Variants in APOH observed in about 807,000 individuals in gnomAD.
APOH encodes the protein beta-2-glycoprotein 1.
In APOH, 48 loss-of-function variants were observed where a neutral mutation model predicts 39.8. The observed-to-expected ratio is 1.21, with a 90% CI of 0.96 to 1.54. The LOEUF is 1.54. APOH is among the 40% of genes most tolerant of loss of function. The pLI, the probability that APOH is intolerant of heterozygous loss-of-function variation, is 0.00. For synonymous variants in APOH, 153 were observed against 151.1 expected, an observed-to-expected ratio of 1.01 and a Z score of -0.09; for missense variants, 415 against 421.2, an observed-to-expected ratio of 0.99 and a Z score of 0.13.
chr17:66,221,377 GAGGGAGGA>G (rs1219583352), intron 4 of APOH, among the ~76,000 whole-genome samples: 2 of 34,030 alleles, frequency 5.9e-5, no homozygotes, highest in Non-Finnish European at 9.4e-5. Flanking sequence ...GGAGGGGAGG[GAGGGAGGA>G]AGGAAGGAAG....
chr17:66,213,506 G>A (rs569891150), intron 7 of APOH, among the ~76,000 whole-genome samples: 1 of 152,268 alleles, frequency 6.6e-6, no homozygotes, highest in African/African-American at 2.4e-5. Context: ...TCTATAATGT[G>A]GGACCAAGAT....
intron 6 of APOH, among the ~76,000 whole-genome samples, chr17:66,215,835 G>A (rs1335256168): frequency 1.3e-5 from 2 of 152,138 alleles, no homozygotes; most frequent in Non-Finnish European, 2.9e-5. Flanking sequence ...AGACGGAAAT[G>A]GGAGAGACCA....
intron 1 of APOH, chr17:66,228,469 C>A: frequency 2.7e-6 from 1 of 376,766 alleles, no homozygotes; most frequent in Non-Finnish European, 4.9e-6. Flanking sequence ...ATTAAAGAAT[C>A]AGTATCAATC....
chr17:66,217,411 C>G (rs965664230), intron 5 of APOH, among the ~76,000 whole-genome samples: 1 of 141,630 alleles, frequency 7.1e-6, no homozygotes, highest in African/African-American at 2.6e-5. Context: ...TACTGTTATT[C>G]AATTCAGACT....
chr17:66,220,245 T>C (rs2073389089), intron 5 of APOH, among the ~76,000 whole-genome samples: 1 of 152,162 alleles, frequency 6.6e-6, no homozygotes, highest in Non-Finnish European at 1.5e-5. Flanking sequence ...CCCCCATGTG[T>C]GGTATGCCTT....
At position 66,225,842 on chromosome 17, in the gene APOH, G is replaced by A. The variant is rs550914692; in HGVS notation, c.338+186C>T. On this transcript the variant is annotated intron_variant, in intron 3 of 7. Coordinates refer to ENST00000205948, the MANE Select transcript of APOH (RefSeq NM_000042.3). ...CAGTGAGCCGAGACTGCACCACTGC[G>A]CTCCAGCCTGGGCGACAGAGCGAGA... Among the ~76,000 whole-genome samples, 6 of 150,824 alleles carry A rather than the reference G, an allele frequency of 4.0e-5. No homozygotes were observed. In the South Asian group the frequency reaches 8.4e-4, roughly 21 times the overall value.
At chr17:66,228,953 C>T (rs1369757885) in intron 1 of APOH, among the ~76,000 whole-genome samples, 1 of 151,854 alleles carries the variant, frequency 6.6e-6, no homozygotes, top group Admixed American at 6.6e-5. Context: ...CTGCCTCAGC[C>T]TCCCGAGTGG....
chr17:66,226,883 A>ATTTTTTTTTTTTTTT (rs1185974185), intron 2 of APOH, among the ~76,000 whole-genome samples: 1 of 96,946 alleles, frequency 1.0e-5, no homozygotes, highest in African/African-American at 5.7e-5. Flanking sequence ...TTTTTATTTT[A>ATTTTTTTTTTTTTTT]TTTATTTATT....
intron 7 of APOH, among the ~76,000 whole-genome samples, chr17:66,213,048 C>A (rs1399332382): frequency 1.3e-5 from 2 of 152,202 alleles, no homozygotes; most frequent in African/African-American, 4.8e-5. Flanking sequence ...ATCAAACCAA[C>A]CCCATGAGGT....
At chr17:66,220,369 G>A (rs974179172) in intron 5 of APOH, among the ~76,000 whole-genome samples, 185 bp downstream of exon 5, 1 of 152,216 alleles carries the variant, frequency 6.6e-6, no homozygotes, top group African/African-American at 2.4e-5. Context: ...CCTTGGGTCA[G>A]AAGCCAGGTC....
chr17:66,221,515 C>T (rs1009478987), intron 4 of APOH, among the ~76,000 whole-genome samples: 1 of 152,034 alleles, frequency 6.6e-6, no homozygotes, highest in African/African-American at 2.4e-5. Context: ...TGCAACAACA[C>T]AATGGTTAGG....
At position 66,224,940 on chromosome 17, in the gene APOH, G is replaced by A. The variant is rs185178372; in HGVS notation, c.338+1088C>T. 9.2e-5 allele frequency among the ~76,000 whole-genome samples: 14 copies of A among 151,972 alleles called. No individual in the cohort carries two copies. In the East Asian group the frequency reaches 1.5e-3, roughly 17 times the overall value. On this transcript the variant is annotated intron_variant, in intron 3 of 7. Transcript: ENST00000205948. ...AAATTATCTGGGTGTGGTGGTAGGC[G>A]CCTGTAATCCCAGCTACTTGGGAAG...
intron 3 of APOH, among the ~76,000 whole-genome samples, chr17:66,224,932 T>C (rs2073430582): frequency 6.6e-6 from 1 of 151,510 alleles, no homozygotes; most frequent in Admixed American, 6.6e-5. Flanking sequence ...CTGGGTGTGG[T>C]GGTAGGCGCC....
intron 4 of APOH, among the ~76,000 whole-genome samples, chr17:66,221,163 A>G (rs1341397692): frequency 2.6e-5 from 4 of 151,604 alleles, no homozygotes; most frequent in Non-Finnish European, 5.9e-5. Context: ...ACTGCACTCC[A>G]GCCTGGGCAA....
chr17:66,228,372 G>A (rs1268864429), intron 1 of APOH, among the ~76,000 whole-genome samples, 176 bp from the exon 2 acceptor site: 17 of 152,090 alleles, frequency 1.1e-4, no homozygotes, highest in Admixed American at 1.1e-3. Context: ...TTTGAAGGAG[G>A]TATTATAATT....
chr17:66,218,658 A>G (rs542217397), intron 5 of APOH, among the ~76,000 whole-genome samples: 1 of 152,346 alleles, frequency 6.6e-6, no homozygotes, highest in East Asian at 1.9e-4. Flanking sequence ...AACATTCTAC[A>G]AGACAACTAG....
At chr17:66,228,694 G>C (rs1425069539) in intron 1 of APOH, 1 of 152,892 alleles carries the variant, frequency 6.5e-6, no homozygotes, top group Non-Finnish European at 1.5e-5. Flanking sequence ...CCAGCTACTC[G>C]GGAAGCTGAA....
At chr17:66,222,573 T>C (rs1199204121) in intron 4 of APOH, among the ~76,000 whole-genome samples, 9 of 142,846 alleles carry the variant, frequency 6.3e-5, no homozygotes, top group Admixed American at 6.3e-4. Context: ...CTTGCTTTTT[T>C]TTTTTTTTTT....
At chr17:66,218,419 C>T (rs1388669675) in intron 5 of APOH, among the ~76,000 whole-genome samples, 1 of 152,056 alleles carries the variant, frequency 6.6e-6, no homozygotes, top group East Asian at 1.9e-4. Context: ...AGCGATTCTC[C>T]TGCCTCAACC....
Sources: allele counts gnomAD v4.1 joint callset (sites outside exome capture counted in the v4.1 genomes callset), GRCh38; gene constraint gnomAD v4.1.1; transcripts MANE v1.5; gene names NCBI Gene and HGNC (gene_info 2026-07-23, HGNC 2026-07-21).